TEX261: variants seen among roughly 807,000 people sequenced by gnomAD.
TEX261 encodes testis expressed 261.
In TEX261, 13 loss-of-function variants were observed where a neutral mutation model predicts 25.1. The ratio of observed to expected loss-of-function variants is 0.52; its 90% CI spans 0.34 to 0.82. TEX261 has a LOEUF of 0.82. Among genes scored for constraint, TEX261 ranks in the 40% least tolerant of loss-of-function variants. The probability of loss-of-function intolerance (pLI) is 0.02; values close to 1 mark genes in which losing one functional copy is unlikely to be tolerated. For synonymous variants in TEX261, 92 were observed against 97.8 expected, an observed-to-expected ratio of 0.94 and a Z score of 0.35; for missense variants, 206 against 243.2, an observed-to-expected ratio of 0.85 and a Z score of 1.02.
intron 3 of TEX261, among the ~76,000 whole-genome samples, chr2:70,991,443 G>A (rs1670296678): frequency 6.6e-6 from 1 of 152,226 alleles, no homozygotes; most frequent in South Asian, 2.1e-4. Context: ...CAATGACTTT[G>A]GGTCAGAGGA....
Position 70,988,555 on chromosome 2 carries a change from C to T in TEX261, c.*45G>A, listed in dbSNP as rs781891895. 6.7e-7 allele frequency: 1 copy of T among 1,491,992 alleles called. No individual in the cohort carries two copies. The highest frequency in any genetic ancestry group is 1.1e-5 in the South Asian group (1 of 88,552). 92.4% of individuals were successfully genotyped at this position (1,491,992 alleles called of 1,614,324 possible). ...CCCACCTGGCATAGAGGCCCAGGGG[C>T]CTGACTCTCCTGATCTTGCCCCCCA... On this transcript the variant is annotated 3_prime_UTR_variant, in exon 6 of 6. Transcript: ENST00000272438.
At position 70,987,164 on chromosome 2, in the gene TEX261, C is replaced by G. The variant is rs1670203877; in HGVS notation, c.*1436G>C. 2 of 152,224 alleles carry G rather than the reference C, an allele frequency of 1.3e-5. No homozygotes were observed. Among genetic ancestry groups the G allele is most frequent in the African/African-American group, 4.8e-5 (2 of 41,436 alleles). 9.4% of individuals were successfully genotyped at this position (152,224 alleles called of 1,614,324 possible). A position where few individuals can be genotyped will look rare whatever the true frequency, so the allele number is the denominator to read the frequency against. ...CAGCCCAATGGGAGGATGATGCAGG[C>G]TGCCAGTATCCCCTGCCTTGTCTAT... On this transcript the variant is annotated 3_prime_UTR_variant, in exon 6 of 6. Coordinates refer to ENST00000272438, the MANE Select transcript of TEX261 (RefSeq NM_144582.3).
chr2:70,994,534 G>A (rs557285713), intron 1 of TEX261, 154 bp downstream of exon 1: 9 of 1,108,756 alleles, frequency 8.1e-6, no homozygotes, highest in Middle Eastern at 2.9e-4. Flanking sequence ...CTCGACAGGA[G>A]GGGCAGGATC....
chr2:70,986,671 T>C lies in TEX261; in HGVS notation c.*1929A>G, dbSNP rs1670191881. The C allele has an allele frequency of 6.6e-6, 1 of 152,548 alleles. No individual in the cohort carries two copies. Among genetic ancestry groups the C allele is most frequent in the Admixed American group, 6.5e-5 (1 of 15,270 alleles). 9.4% of individuals were successfully genotyped at this position (152,548 alleles called of 1,614,324 possible). A position where few individuals can be genotyped will look rare whatever the true frequency, so the allele number is the denominator to read the frequency against. ...GGGAAGTACCCAGAAGGGGCAGGTT[T>C]GCAGAAGACAGCAAGTACCATCTGG... On this transcript the variant is annotated 3_prime_UTR_variant, in exon 6 of 6. Transcript: ENST00000272438.
chr2:70,991,336 C>A (rs1444152463), intron 3 of TEX261, among the ~76,000 whole-genome samples: 3 of 152,164 alleles, frequency 2.0e-5, no homozygotes, highest in African/African-American at 7.2e-5. Flanking sequence ...CAGCGGCAGC[C>A]AGTGAGAATG....
chr2:70,990,669 A>G (rs1481825750), intron 3 of TEX261, among the ~76,000 whole-genome samples: 3 of 152,190 alleles, frequency 2.0e-5, no homozygotes, highest in Non-Finnish European at 4.4e-5. Flanking sequence ...ATTCTAAGGC[A>G]AAGACTACAG....
At chr2:70,993,598 G>A in intron 2 of TEX261, 98 bp downstream of exon 2, 1 of 975,846 alleles carries the variant, frequency 1.0e-6, no homozygotes, top group Non-Finnish European at 1.6e-6. Context: ...AAACAGCAGA[G>A]ACACAGGCCT....
intron 4 of TEX261, chr2:70,989,331 C>T (rs533347131): frequency 2.2e-6 from 1 of 464,122 alleles, no homozygotes; most frequent in African/African-American, 2.0e-5. Flanking sequence ...AAGAAGTGAC[C>T]TTGCTCTTCC....
intron 1 of TEX261, 38 bp downstream of exon 1, chr2:70,994,650 G>A: frequency 1.3e-6 from 2 of 1,569,350 alleles, no homozygotes; most frequent in Non-Finnish European, 1.7e-6. Context: ...CCGATGCCGG[G>A]GCGGGAGCCC....
At position 70,988,423 on chromosome 2, in the gene TEX261, A is replaced by G. The variant is rs915495327; in HGVS notation, c.*177T>C. 4 of 596,594 alleles carry G rather than the reference A, an allele frequency of 6.7e-6. No homozygotes were observed. The highest frequency in any genetic ancestry group is 5.6e-5 in the African/African-American group (3 of 53,556). The allele number at this position is 596,594 out of a possible 1,614,324, so 37.0% of individuals were successfully genotyped here. A position where few individuals can be genotyped will look rare whatever the true frequency, so the allele number is the denominator to read the frequency against. ...CTCTGAGGTTACAGCCTCTTGAAGC[A>G]TCAGATCTGAGCCAAGCTGAGCCCC... On this transcript the variant is annotated 3_prime_UTR_variant, in exon 6 of 6. Coordinates refer to ENST00000272438, the MANE Select transcript of TEX261 (RefSeq NM_144582.3).
rs1553425895 is a variant in TEX261, at chr2:70,993,742, T to C, written c.104A>G (p.Glu35Gly). The C allele has an allele frequency of 1.2e-6, 2 of 1,613,202 alleles. No homozygotes were observed. Among genetic ancestry groups the C allele is most frequent in the Non-Finnish European group, 8.5e-7 (1 of 1,180,012 alleles). The change falls in exon 2 of 6, where the codon GAA (glutamate) becomes GGA (glycine). Residue 35 changes from glutamate to glycine, a missense_variant. Glu to Gly is a moderately conservative substitution (Grantham distance 98). Coordinates refer to ENST00000272438, the MANE Select transcript of TEX261 (RefSeq NM_144582.3). The part of the protein sequence containing the change: ...AGLYYLAELI[E>G]EYTVATSRII... The stretch of plus-strand genomic sequence containing the variant: ...CCTGCTGGTGGCCACTGTGTATTCT[T>C]CTATCAGTTCTGCCAGGTAATAGAG...
rs994044174 is a variant in TEX261, at chr2:70,986,620, T to A, written c.*1980A>T. 2 of 152,426 alleles carry A rather than the reference T, an allele frequency of 1.3e-5. No homozygotes were observed. The highest frequency in any genetic ancestry group is 2.1e-4 in the South Asian group (1 of 4,796). The allele number at this position is 152,426 out of a possible 1,614,324, so 9.4% of individuals were successfully genotyped here. A position where few individuals can be genotyped will look rare whatever the true frequency, so the allele number is the denominator to read the frequency against. ...ACAGGAATAGAATAAGTTTCCTGTC[T>A]GGCTCCTGAGTGATCTCGGGGTCAA... On this transcript the variant is annotated 3_prime_UTR_variant, in exon 6 of 6. Transcript: ENST00000272438.
intron 3 of TEX261, among the ~76,000 whole-genome samples, chr2:70,990,833 G>T (rs72899722): frequency 0.014 from 2,143 of 152,272 alleles, 26 homozygotes; most frequent in African/African-American, 0.034. Flanking sequence ...GGGGCTGGGG[G>T]CAGGACTTCT....
intron 2 of TEX261, among the ~76,000 whole-genome samples, 164 bp from the exon 3 acceptor site, chr2:70,992,147 T>C (rs1170153440): frequency 2.5e-5 from 2 of 79,972 alleles, no homozygotes; most frequent in South Asian, 2.8e-4. Context: ...AAAGGCAACA[T>C]TTTTTTTTTT....
rs1307172194 is a variant in TEX261, at chr2:70,987,102, G to A, written c.*1498C>T. On this transcript the variant is annotated 3_prime_UTR_variant, in exon 6 of 6. Transcript: ENST00000272438. The stretch of plus-strand genomic sequence containing the variant: ...GCGAAGCCACATCATCAAGGTGAGG[G>A]ACCAAGCAGCAGAGGGAGGAAAGTA... 6.6e-6 allele frequency: 1 copy of A among 152,250 alleles called. No individual in the cohort carries two copies. Among genetic ancestry groups the A allele is most frequent in the Non-Finnish European group, 1.5e-5 (1 of 68,136 alleles). 9.4% of individuals were successfully genotyped at this position (152,250 alleles called of 1,614,324 possible). A position where few individuals can be genotyped will look rare whatever the true frequency, so the allele number is the denominator to read the frequency against.
chr2:70,991,331 G>A (rs1553425613), intron 3 of TEX261, among the ~76,000 whole-genome samples: 3 of 152,172 alleles, frequency 2.0e-5, no homozygotes, highest in Non-Finnish European at 4.4e-5. Flanking sequence ...CGAGGCAGCG[G>A]CAGCCAGTGA....
chr2:70,988,433 A>G lies in TEX261; in HGVS notation c.*167T>C, dbSNP rs1670231967. On this transcript the variant is annotated 3_prime_UTR_variant, in exon 6 of 6. Transcript: ENST00000272438. Reference sequence around the variant, plus strand: ...ACAGCCTCTTGAAGCATCAGATCTGAGCCAAGCTGAGCCCCCCAAGGAGGG... The same window carrying G: ...ACAGCCTCTTGAAGCATCAGATCTGGGCCAAGCTGAGCCCCCCAAGGAGGG... The G allele has an allele frequency of 8.2e-6, 5 of 610,682 alleles. No individual in the cohort carries two copies. The highest frequency in any genetic ancestry group is 1.2e-5 in the Non-Finnish European group (4 of 342,346). 37.8% of individuals were successfully genotyped at this position (610,682 alleles called of 1,614,324 possible).
intron 2 of TEX261, among the ~76,000 whole-genome samples, chr2:70,993,323 T>C (rs1179926930): frequency 1.3e-5 from 2 of 152,212 alleles, no homozygotes; most frequent in African/African-American, 4.8e-5. Flanking sequence ...AATGAACATA[T>C]ATGCAAAACT....
chr2:70,993,196 C>G (rs1670336940), intron 2 of TEX261, among the ~76,000 whole-genome samples: 1 of 152,230 alleles, frequency 6.6e-6, no homozygotes, highest in African/African-American at 2.4e-5. Context: ...GCTTTGATAT[C>G]AGTGGCAAGG....
Sources: allele counts gnomAD v4.1 joint callset (sites outside exome capture counted in the v4.1 genomes callset), GRCh38; gene constraint gnomAD v4.1.1; transcripts MANE v1.5; gene names NCBI Gene and HGNC (gene_info 2026-07-23, HGNC 2026-07-21).